Variants in ANTXR2 observed in about 807,000 individuals in gnomAD.
ANTXR2 encodes ANTXR cell adhesion molecule 2.
In ANTXR2, 44 loss-of-function variants were observed where a neutral mutation model predicts 73.7. The ratio of observed to expected loss-of-function variants is 0.60; its 90% CI spans 0.47 to 0.77. The LOEUF is 0.77. Ranked by LOEUF, ANTXR2 falls within the 30% of genes least tolerant of loss-of-function variation. ANTXR2 has a pLI of 0.00. For missense variants in ANTXR2, 604 were observed against 592.5 expected (o/e 1.02, Z -0.20); for synonymous variants, 217 against 205.9 (o/e 1.05, Z -0.46).
At chr4:79,984,105 A>G (rs776818572) in intron 13 of ANTXR2, 135 bp from the exon 14 acceptor site, 1 of 627,354 alleles carries the variant, frequency 1.6e-6, no homozygotes, top group Non-Finnish European at 2.6e-6. Flanking sequence ...ACATGTGGAT[A>G]TATTTACACT....
rs1460622996 is a variant in ANTXR2 at position 79,904,566 on chromosome 4, T to C, written c.*2863A>G. The C allele has an allele frequency of 1.3e-5, 2 of 152,126 alleles. No homozygotes were observed. The highest frequency in any genetic ancestry group is 2.4e-5 in the African/African-American group (1 of 41,442). The allele number at this position is 152,126 out of a possible 1,614,324, so 9.4% of individuals were successfully genotyped here. On this transcript the variant is annotated 3_prime_UTR_variant, in exon 17 of 17. Coordinates refer to ENST00000403729, the MANE Select transcript of ANTXR2 (RefSeq NM_058172.6). ...CATTCCAAGTATCAAAGTTTTCAGATAGATAAATATTTATGGATCAAATCC... is the reference window on the plus strand; with the variant it reads ...CATTCCAAGTATCAAAGTTTTCAGACAGATAAATATTTATGGATCAAATCC...
At chr4:80,071,506 A>T in intron 2 of ANTXR2, 77 bp downstream of exon 2, 2 of 1,278,926 alleles carry the variant, frequency 1.6e-6, no homozygotes, top group South Asian at 2.4e-5. Context: ...TTTTTCCTAT[A>T]AAAGGTTTCA....
At chr4:79,935,192 G>T (rs890067961) in intron 16 of ANTXR2, among the ~76,000 whole-genome samples, 2 of 151,310 alleles carry the variant, frequency 1.3e-5, no homozygotes, top group Non-Finnish European at 2.9e-5. Flanking sequence ...CAAAGGTGGA[G>T]AGTTTAAAAA....
At chr4:79,927,016 T>A (rs898960619) in intron 16 of ANTXR2, among the ~76,000 whole-genome samples, 16 of 138,282 alleles carry the variant, frequency 1.2e-4, no homozygotes, top group Admixed American at 9.4e-4. Flanking sequence ...TGTGCATATA[T>A]ACATATGTGT....
intron 12 of ANTXR2, among the ~76,000 whole-genome samples, chr4:80,002,327 T>C (rs1417506085): frequency 1.3e-5 from 2 of 152,128 alleles, no homozygotes; most frequent in African/African-American, 4.8e-5. Flanking sequence ...CCTTATTTAA[T>C]AAATGGTGCT....
rs2110082221 is a variant in ANTXR2, at chr4:80,031,657, G to A, written c.832C>T (p.Leu278Phe). ...KPVSVQLNSM[L>F]CPAPILNKAG... ...TTATTCAGGATAGGTGCAGGACAAA[G>A]CATAGAATTAAGCTGTACACTTACT... The change falls in exon 10 of 17, where the codon CTT becomes TTT. Residue 278 changes from leucine (L) to phenylalanine (F), a missense_variant. By Grantham distance (22) the Leu-to-Phe change is conservative. Transcript: ENST00000403729. The A allele has an allele frequency of 6.5e-7, 1 of 1,531,038 alleles. No homozygotes were observed. Among genetic ancestry groups the A allele is most frequent in the Non-Finnish European group, 8.7e-7 (1 of 1,146,640 alleles). The allele number at this position is 1,531,038 out of a possible 1,614,324, so 94.8% of individuals were successfully genotyped here.
chr4:79,956,234 T>C (rs1163786831), intron 16 of ANTXR2, among the ~76,000 whole-genome samples: 1 of 152,196 alleles, frequency 6.6e-6, no homozygotes, highest in Non-Finnish European at 1.5e-5. Flanking sequence ...GCATGCATTC[T>C]GAATATATGT....
At chr4:79,931,302 AAG>A (rs1728043767) in intron 16 of ANTXR2, among the ~76,000 whole-genome samples, 1 of 152,178 alleles carries the variant, frequency 6.6e-6, no homozygotes, top group South Asian at 2.1e-4. Flanking sequence ...TTTATTTTTC[AAG>A]AGAGAGCAAA....
chr4:80,028,639 A>G (rs1295393056), intron 10 of ANTXR2, among the ~76,000 whole-genome samples: 2 of 152,146 alleles, frequency 1.3e-5, no homozygotes, highest in African/African-American at 2.4e-5. Context: ...TCACACAGGA[A>G]AAACCTTCAT....
intron 3 of ANTXR2, among the ~76,000 whole-genome samples, chr4:80,059,856 A>C (rs1734162460): frequency 6.6e-6 from 1 of 152,118 alleles, no homozygotes; most frequent in South Asian, 2.1e-4. Flanking sequence ...TGGATGTGGA[A>C]GGTATGCAAG....
chr4:79,974,001 G>A (rs889133188), intron 16 of ANTXR2, among the ~76,000 whole-genome samples: 2 of 152,166 alleles, frequency 1.3e-5, no homozygotes, highest in African/African-American at 2.4e-5. Flanking sequence ...TTGGTTGGAT[G>A]GGTGAATAGA....
intron 7 of ANTXR2, among the ~76,000 whole-genome samples, chr4:80,042,353 T>C (rs1733308935): frequency 6.6e-6 from 1 of 152,108 alleles, no homozygotes; most frequent in Non-Finnish European, 1.5e-5. Flanking sequence ...TTCATAGTTC[T>C]AAAATTTTAG....
intron 16 of ANTXR2, among the ~76,000 whole-genome samples, chr4:79,926,931 ATGTGCATATATGTGTATATATACG>A (rs1560867003): frequency 6.7e-5 from 8 of 118,582 alleles, no homozygotes; most frequent in African/African-American, 2.7e-4. Flanking sequence ...ATATATACAC[ATGTGCATATATGTGTATATATACG>A]TGTGCATATA....
intron 11 of ANTXR2, among the ~76,000 whole-genome samples, chr4:80,012,908 A>G (rs1357015518): frequency 6.6e-6 from 1 of 152,212 alleles, no homozygotes; most frequent in Admixed American, 6.5e-5. Flanking sequence ...CAGTTTTCTC[A>G]TCTGCAAAAT....
At chr4:80,001,214 G>C (rs1731016269) in intron 12 of ANTXR2, among the ~76,000 whole-genome samples, 2 of 151,734 alleles carry the variant, frequency 1.3e-5, no homozygotes, top group African/African-American at 2.4e-5. Context: ...TGTGCACATT[G>C]TGCAGGTTAG....
intron 1 of ANTXR2, 42 bp downstream of exon 1, chr4:80,072,367 C>A (rs367634177): frequency 6.5e-7 from 1 of 1,536,254 alleles, no homozygotes; most frequent in South Asian, 1.2e-5. Context: ...TGATCCAGTG[C>A]CGCCCTCACC....
chr4:80,020,132 C>A (rs1369104204), intron 10 of ANTXR2, among the ~76,000 whole-genome samples: 1 of 152,108 alleles, frequency 6.6e-6, no homozygotes, highest in Non-Finnish European at 1.5e-5. Context: ...AGTCCCAGCC[C>A]TTTGGAAGGC....
chr4:79,976,448 G>C (rs914247338), intron 16 of ANTXR2, among the ~76,000 whole-genome samples: 1 of 148,248 alleles, frequency 6.7e-6, no homozygotes, highest in African/African-American at 2.6e-5. Context: ...TGCCATGTCA[G>C]TTTGCCATTG....
rs187373156 is a variant in ANTXR2, at chr4:79,989,407, A to T, written c.1042-4544T>A. Among the ~76,000 whole-genome samples the T allele has an allele frequency of 3.8e-4, 58 of 152,150 alleles. No individual in the cohort carries two copies. In the East Asian group the frequency reaches 8.9e-3, roughly 23 times the overall value. ...TCTAGAAAAACATGGGTAAATTCCT[A>T]AAAACATACACTTCTGAAGATTGAC... On this transcript the variant is annotated intron_variant, in intron 12 of 16. Transcript: ENST00000403729.
Sources: gnomAD v4.1 joint callset for allele counts (sites outside exome capture counted in the v4.1 genomes callset) on GRCh38, gnomAD v4.1.1 for gene constraint, MANE v1.5 for transcripts, NCBI Gene and HGNC (gene_info 2026-07-23, HGNC 2026-07-21) for gene names.